Variants in NAV1 observed in about 807,000 individuals in gnomAD.
NAV1 encodes the protein pore membrane and/or filament interacting like protein 3.
A neutral mutation model predicts 175.2 loss-of-function variants in NAV1; 18 were observed. The observed-to-expected ratio is 0.10, with a 90% CI of 0.07 to 0.15. The LOEUF (loss-of-function observed/expected upper bound fraction) is 0.15. Among genes scored for constraint, NAV1 ranks in the 10% least tolerant of loss-of-function variants. The pLI is 1.00. For missense variants in NAV1, 1,731 were observed against 2,436.6 expected, an observed-to-expected ratio of 0.71 and a Z score of 6.10; for synonymous variants, 897 against 978.7, an observed-to-expected ratio of 0.92 and a Z score of 1.56.
At chr1:201,736,798 T>G (rs1360198855) in intron 3 of NAV1, among the ~76,000 whole-genome samples, 2 of 152,186 alleles carry the variant, frequency 1.3e-5, no homozygotes, top group Non-Finnish European at 2.9e-5. Context: ...GAAGCCTATG[T>G]GAGATAGACA....
At chr1:201,733,325 A>T (rs970081729) in intron 3 of NAV1, 1 of 152,042 alleles carries the variant, frequency 6.6e-6, no homozygotes, top group Non-Finnish European at 1.5e-5. Context: ...GCTTGCAGTG[A>T]GCCGAGATTG....
At chr1:201,665,590 A>T (rs866659238) in intron 1 of NAV1, among the ~76,000 whole-genome samples, 2 of 128,534 alleles carry the variant, frequency 1.6e-5, no homozygotes, top group Non-Finnish European at 3.3e-5. Context: ...AGAGCACCCC[A>T]CCCCCCCCAC....
intron 1 of NAV1, among the ~76,000 whole-genome samples, chr1:201,586,434 G>T (rs1667029484): frequency 6.6e-6 from 1 of 152,204 alleles, no homozygotes; most frequent in African/African-American, 2.4e-5. Flanking sequence ...ACCTGTATTA[G>T]CCTGCTTGGG....
At chr1:201,678,200 T>C (rs1670327865) in intron 1 of NAV1, among the ~76,000 whole-genome samples, 1 of 152,162 alleles carries the variant, frequency 6.6e-6, no homozygotes, top group African/African-American at 2.4e-5. Context: ...GGGAGCTACG[T>C]TATGAACTGA....
chr1:201,734,402 C>G (rs1328096663), intron 3 of NAV1, among the ~76,000 whole-genome samples: 3 of 146,530 alleles, frequency 2.0e-5, no homozygotes, highest in African/African-American at 7.6e-5. Context: ...GAGCAAGACC[C>G]TGTCTCAAAA....
chr1:201,741,136 G>T (rs544139273), intron 3 of NAV1, among the ~76,000 whole-genome samples: 64 of 152,230 alleles, frequency 4.2e-4, no homozygotes, highest in African/African-American at 1.4e-3. Flanking sequence ...CCCTCCAGGG[G>T]CTCAATTACA....
chr1:201,757,278 G>C (rs371005601), intron 3 of NAV1, among the ~76,000 whole-genome samples: 5 of 151,076 alleles, frequency 3.3e-5, no homozygotes, highest in African/African-American at 1.2e-4. Flanking sequence ...TTTTTCTTTC[G>C]ACTGTCTTGC....
chr1:201,645,758 AGATGAATTTACATGCAGAAAGAG>A (rs1250193051), upstream of NAV1, among the ~76,000 whole-genome samples: 1 of 152,190 alleles, frequency 6.6e-6, no homozygotes, highest in African/African-American at 2.4e-5. Flanking sequence ...GCTAAGGAGA[AGATGAATTTACATGCAGAAAGAG>A]GATATAGAGA....
chr1:201,819,795 G>A, intron 29 of NAV1, 42 bp from the exon 34 acceptor site: 1 of 1,561,940 alleles, frequency 6.4e-7, no homozygotes, highest in Non-Finnish European at 8.8e-7. Context: ...GCAGGACCCA[G>A]AGTCCCAACT....
At chr1:201,630,181 C>T (rs1195351358) in intron 2 of NAV1, among the ~76,000 whole-genome samples, 1 of 152,166 alleles carries the variant, frequency 6.6e-6, no homozygotes, top group Non-Finnish European at 1.5e-5. Flanking sequence ...CAAAACTCAG[C>T]AGCACTTACG....
At chr1:201,607,688 C>T (rs966239001) in intron 2 of NAV1, among the ~76,000 whole-genome samples, 14 of 151,582 alleles carry the variant, frequency 9.2e-5, no homozygotes, top group Admixed American at 8.5e-4. Context: ...GACAGGGTTT[C>T]ACCATGTTGG....
chr1:201,729,695 A>T (rs1672764341), intron 3 of NAV1, among the ~76,000 whole-genome samples: 1 of 152,052 alleles, frequency 6.6e-6, no homozygotes, highest in Non-Finnish European at 1.5e-5. Context: ...TCATGAGGTC[A>T]GGAGATCGAG....
rs1678788237 is a variant in NAV1 at position 201,812,991 on chromosome 1, A to C, written c.5222-149A>C. ...GGACTTATGAGATTGCCATCTAGGCAGTCAGCACCCACTAGTCTTGACAAC... is the reference window on the plus strand; with the variant it reads ...GGACTTATGAGATTGCCATCTAGGCCGTCAGCACCCACTAGTCTTGACAAC... On this transcript the variant is annotated intron_variant, in intron 27 of 29. Transcript: ENST00000367296. This position sits in a 1 kb window ranked among gnomAD's most constrained non-coding sequence, Gnocchi z 4.6. 2 of 632,548 alleles carry C rather than the reference A, an allele frequency of 3.2e-6. No homozygotes were observed. Among genetic ancestry groups the C allele is most frequent in the East Asian group, 5.3e-5 (2 of 37,450 alleles). 39.2% of individuals were successfully genotyped at this position (632,548 alleles called of 1,614,324 possible).
At chr1:201,642,460 C>T (rs779626366) in intron 2 of NAV1, among the ~76,000 whole-genome samples, 4 of 151,750 alleles carry the variant, frequency 2.6e-5, no homozygotes, top group African/African-American at 4.8e-5. Context: ...CTCCTGACCT[C>T]GTGATTCACC....
At chr1:201,790,407 G>T in intron 11 of NAV1, 147 bp from the exon 16 acceptor site, 1 of 842,104 alleles carries the variant, frequency 1.2e-6, no homozygotes, top group Non-Finnish European at 1.9e-6. Flanking sequence ...AGGAGCCAGG[G>T]CCAGGAAACA....
chr1:201,667,951 A>G (rs1188937023), intron 1 of NAV1, among the ~76,000 whole-genome samples: 3 of 152,208 alleles, frequency 2.0e-5, no homozygotes, highest in Non-Finnish European at 4.4e-5. Context: ...CTGATGGGCC[A>G]GTCTCACTGG....
intron 3 of NAV1, among the ~76,000 whole-genome samples, chr1:201,744,562 G>A (rs1298099704): frequency 6.6e-6 from 1 of 152,122 alleles, no homozygotes; most frequent in Non-Finnish European, 1.5e-5. Flanking sequence ...TAATGCAGGA[G>A]GATGCAGTCT....
chr1:201,648,252 G>C (rs1669043562), exon 1 of NAV1: 3 of 1,027,658 alleles, frequency 2.9e-6, no homozygotes, highest in Non-Finnish European at 3.5e-6. Context: ...CGGTGTCCAC[G>C]GGACTGACAG....
exon 16 of NAV1, chr1:201,803,679 G>C: frequency 6.2e-7 from 1 of 1,613,160 alleles, no homozygotes; most frequent in Non-Finnish European, 8.5e-7. Flanking sequence ...CAGCAGCAAG[G>C]ATGCTGATGC....
Sources: allele counts gnomAD v4.1 joint callset (sites outside exome capture counted in the v4.1 genomes callset), GRCh38; gene constraint gnomAD v4.1.1; non-coding constraint Gnocchi (gnomAD v3.1); transcripts MANE v1.5; gene names NCBI Gene and HGNC (gene_info 2026-07-23, HGNC 2026-07-21).